The following CCDC125 variants were observed in gnomAD, a reference collection of about 807,000 sequenced individuals.
CCDC125 encodes coiled-coil domain containing 125.
A neutral mutation model predicts 57.4 loss-of-function variants in CCDC125; 43 were observed. That is an observed-to-expected ratio of 0.75 (90% CI 0.59 to 0.97). CCDC125 has a LOEUF of 0.97. Ranked by LOEUF, CCDC125 falls within the 50% of genes least tolerant of loss-of-function variation. CCDC125 has a pLI of 0.00. For missense variants in CCDC125, 563 were observed against 595.7 expected (o/e 0.95, Z 0.57); for synonymous variants, 187 against 195.2 (o/e 0.96, Z 0.35).
intron 7 of CCDC125, among the ~76,000 whole-genome samples, chr5:69,302,683 C>T (rs893066285): frequency 1.3e-5 from 2 of 151,156 alleles, no homozygotes; most frequent in African/African-American, 4.9e-5. Context: ...TAAGATTGCA[C>T]CACTGCACTC....
intron 1 of CCDC125, among the ~76,000 whole-genome samples, chr5:69,329,393 G>A (rs1191026885): frequency 6.6e-6 from 1 of 150,674 alleles, no homozygotes; most frequent in Admixed American, 6.6e-5. Flanking sequence ...TCCTTATATT[G>A]CCCAGGCTGG....
At position 69,282,883 on chromosome 5, in the gene CCDC125, G is replaced by A; in HGVS notation, c.1382C>T (p.Thr461Ile). The A allele has an allele frequency of 6.2e-7, 1 of 1,614,148 alleles. No individual in the cohort carries two copies. Among genetic ancestry groups the A allele is most frequent in the Admixed American group, 1.7e-5 (1 of 60,012 alleles). The part of the protein sequence containing the change: ...NFPFNNPWRK[T>I]SEFSVLGDPI... ...ATCACCCAAAACAGAGAATTCTGAA[G>A]TCTTACGCCAGGGGTTGTTGAAAGG... The change falls in exon 12 of 12, where the codon ACT becomes ATT. Residue 461 changes from threonine (T) to isoleucine (I), a missense_variant. By Grantham distance (89) the Thr-to-Ile change is moderately conservative. Coordinates refer to ENST00000396496, the MANE Select transcript of CCDC125 (RefSeq NM_176816.5).
rs1752665212 is a variant in CCDC125 at position 69,283,010 on chromosome 5, C to A, written c.1255G>T (p.Ala419Ser). Residue 419 changes from alanine to serine, a missense_variant, in exon 12 of 12, where the codon GCT (alanine) becomes TCT (serine). Coordinates refer to ENST00000396496, the MANE Select transcript of CCDC125 (RefSeq NM_176816.5). ...ATGTAGCTAACTTTTCTTTGATGAGCCAAAGCTTCTTCTTTATCATTAAGC... is the reference window on the plus strand; with the variant it reads ...ATGTAGCTAACTTTTCTTTGATGAGACAAAGCTTCTTCTTTATCATTAAGC... ...DLLNDKEEAL[A>S]HQRKVSYMLA... 2 of 1,597,608 alleles carry A rather than the reference C, an allele frequency of 1.3e-6. No individual in the cohort carries two copies. The highest frequency in any genetic ancestry group is 1.7e-6 in the Non-Finnish European group (2 of 1,174,386).
chr5:69,318,886 C>T (rs1294739372), intron 2 of CCDC125, among the ~76,000 whole-genome samples: 1 of 152,036 alleles, frequency 6.6e-6, no homozygotes, highest in Non-Finnish European at 1.5e-5. Context: ...ACTATCCCTT[C>T]ACTTACCACT....
At position 69,306,915 on chromosome 5, in the gene CCDC125, A is replaced by G. The variant is rs1202650096; in HGVS notation, c.532-13T>C. On this transcript the variant is annotated splice_polypyrimidine_tract_variant and intron_variant, in intron 5 of 11. Transcript: ENST00000396496. ...AGGCATTTATTTCCTATGGAAAGAA[A>G]ATAGTACCTTCATGGCAAATTACTA... is the stretch of plus-strand genomic sequence containing the variant. 1.3e-6 allele frequency: 2 copies of G among 1,490,550 alleles called. No homozygotes were observed. Among genetic ancestry groups the G allele is most frequent in the Non-Finnish European group, 1.8e-6 (2 of 1,123,990 alleles). 92.3% of individuals were successfully genotyped at this position (1,490,550 alleles called of 1,614,324 possible). A position where few individuals can be genotyped will look rare whatever the true frequency, so the allele number is the denominator to read the frequency against.
chr5:69,295,803 A>C (rs887362041), intron 8 of CCDC125, among the ~76,000 whole-genome samples: 1 of 152,200 alleles, frequency 6.6e-6, no homozygotes, highest in South Asian at 2.1e-4. Context: ...AATTCTGTTA[A>C]ACTTCCCTAA....
intron 11 of CCDC125, among the ~76,000 whole-genome samples, chr5:69,284,119 A>T (rs13165628): frequency 0.71 from 107,305 of 150,796 alleles, 38,743 homozygotes; most frequent in African/African-American, 0.87. Context: ...ATAATTTTTT[A>T]AAAAAAAAAA....
intron 1 of CCDC125, among the ~76,000 whole-genome samples, chr5:69,326,715 T>C (rs1259416486): frequency 6.6e-6 from 1 of 152,152 alleles, no homozygotes; most frequent in African/African-American, 2.4e-5. Context: ...TGAGGTTTTG[T>C]TGTTGTTTTG....
chr5:69,329,156 T>C (rs1470207648), intron 1 of CCDC125, among the ~76,000 whole-genome samples: 2 of 152,076 alleles, frequency 1.3e-5, no homozygotes. Context: ...AAAATAGATG[T>C]GTCAACGTTT....
chr5:69,290,125 C>T (rs1754156134), intron 10 of CCDC125, among the ~76,000 whole-genome samples: 1 of 151,948 alleles, frequency 6.6e-6, no homozygotes, highest in Non-Finnish European at 1.5e-5. Context: ...TATCATCCCT[C>T]TGCATCACTT....
At chr5:69,321,984 G>A (rs1378561076) in intron 1 of CCDC125, among the ~76,000 whole-genome samples, 3 of 151,912 alleles carry the variant, frequency 2.0e-5, no homozygotes, top group Non-Finnish European at 4.4e-5. Context: ...TTACAACCAT[G>A]CGCCACCATG....
intron 3 of CCDC125, 56 bp from the exon 4 acceptor site, chr5:69,311,260 T>C (rs770912016): frequency 1.8e-6 from 2 of 1,082,368 alleles, no homozygotes; most frequent in Non-Finnish European, 2.8e-6. Context: ...ACCCTAAAAT[T>C]ATCAGTTTGG....
At chr5:69,313,409 C>A in intron 3 of CCDC125, 1 of 1,525,784 alleles carries the variant, frequency 6.6e-7, no homozygotes, top group Non-Finnish European at 9.0e-7. Flanking sequence ...ATGGCACTGC[C>A]CCCCAGCTTC....
intron 3 of CCDC125, 174 bp downstream of exon 3, chr5:69,313,811 C>G: frequency 1.2e-6 from 1 of 820,660 alleles, no homozygotes; most frequent in East Asian, 2.4e-5. Context: ...TGAAGACTTA[C>G]ACAACTTCAT....
In CCDC125 at chr5:69,320,272, G is replaced by A. The variant is rs758357096; in HGVS notation, c.269C>T (p.Ser90Phe). 5 of 1,613,800 alleles carry A rather than the reference G, an allele frequency of 3.1e-6. No individual in the cohort carries two copies. The South Asian group carries it at 5.5e-5, about 18-fold the overall frequency. Residue 90 changes from serine (S) to phenylalanine (F), a missense_variant, in exon 2 of 12, where the codon TCC becomes TTC. Ser to Phe is a radical substitution (Grantham distance 155). Transcript: ENST00000396496. ...KSQQDTFPQVSRISNYRRQSS... is the reference protein window; with the variant it reads ...KSQQDTFPQVFRISNYRRQSS... ...TTGTCGTCTGTAATTGGAAATTCTG[G>A]ACACTTGAGGGAATGTATCTTGCTG...
Position 69,306,824 on chromosome 5 carries a change from AT to A in CCDC125, c.609del (p.Lys203AsnfsTer5), listed in dbSNP as rs1213466324. On this transcript the variant is annotated frameshift_variant, in exon 6 of 12. Transcript: ENST00000396496. LOFTEE classifies it high-confidence loss of function. ...FKNIEESWIQ[K>X]YDRLNCENAV... ...ATGGAGTAATATACAAACCTGTCATATTTTTGGATCCAAGATTCCTCTATAT... is the reference window on the plus strand; with the variant it reads ...ATGGAGTAATATACAAACCTGTCATATTTTGGATCCAAGATTCCTCTATAT... 4.7e-6 allele frequency: 7 copies of A among 1,495,376 alleles called. No homozygotes were observed. The highest frequency in any genetic ancestry group is 5.0e-5 in the East Asian group (2 of 39,954). 92.6% of individuals were successfully genotyped at this position (1,495,376 alleles called of 1,614,324 possible).
At chr5:69,273,804 G>T in the CCDC125 span, among the ~76,000 whole-genome samples, 2 of 152,034 alleles carry the variant, frequency 1.3e-5, no homozygotes, top group Non-Finnish European at 2.9e-5. Context: ...TTTGTTCCAG[G>T]CTACAAAATC....
chr5:69,304,324 C>T (rs1320102410), intron 6 of CCDC125, among the ~76,000 whole-genome samples: 3 of 151,760 alleles, frequency 2.0e-5, no homozygotes, highest in Non-Finnish European at 4.4e-5. Context: ...AGGCTGGTCT[C>T]GAACTCCTGA....
At chr5:69,288,243 TTGA>T (rs1415513250) in intron 10 of CCDC125, among the ~76,000 whole-genome samples, 1 of 152,154 alleles carries the variant, frequency 6.6e-6, no homozygotes, top group Non-Finnish European at 1.5e-5. Context: ...AATGAGGCTC[TTGA>T]TGGGCTCCTG....
Sources: gnomAD v4.1 joint callset for allele counts (sites outside exome capture counted in the v4.1 genomes callset) on GRCh38, gnomAD v4.1.1 for gene constraint, MANE v1.5 for transcripts, NCBI Gene and HGNC (gene_info 2026-07-23, HGNC 2026-07-21) for gene names.